The following ABTB1 variants were observed in gnomAD, a reference collection of about 807,000 sequenced individuals.
The protein encoded by ABTB1 is ankyrin repeat and BTB domain containing 1.
In ABTB1, 45 loss-of-function variants were observed where a neutral mutation model predicts 57.1. The observed-to-expected ratio is 0.79, with a 90% CI of 0.62 to 1.01. The LOEUF (loss-of-function observed/expected upper bound fraction) is 1.01. Among genes scored for constraint, ABTB1 ranks in the 50% least tolerant of loss-of-function variants. The pLI, the probability that ABTB1 is intolerant of heterozygous loss-of-function variation, is 0.00. For synonymous variants in ABTB1, 302 were observed against 275.4 expected (o/e 1.10, Z -0.95); for missense variants, 630 against 666.3 (o/e 0.95, Z 0.60).
chr3:127,676,187 T>G lies in ABTB1; in HGVS notation c.320+73T>G. On this transcript the variant is annotated intron_variant, in intron 4 of 11. Transcript: ENST00000232744. The surrounding 1 kb of genome is among the most constrained non-coding windows in gnomAD (Gnocchi z 5.4). Reference sequence around the variant, plus strand: ...GTGGGTGTGGCGAGTCTGCTCTGACTGTGGCCTGCACTGGGTTCTGAGTGC... The same window carrying G: ...GTGGGTGTGGCGAGTCTGCTCTGACGGTGGCCTGCACTGGGTTCTGAGTGC... 1.2e-6 allele frequency: 2 copies of G among 1,606,440 alleles called. No individual in the cohort carries two copies. The highest frequency in any genetic ancestry group is 2.2e-5 in the East Asian group (1 of 44,668).
chr3:127,678,227 A>G (rs2107558849), intron 10 of ABTB1: 1 of 242,746 alleles, frequency 4.1e-6, no homozygotes, highest in East Asian at 9.7e-5. Context: ...AGCTGCCCCA[A>G]GGTGTCCGTA....
intron 3 of ABTB1, among the ~76,000 whole-genome samples, chr3:127,675,026 C>T (rs973200424): frequency 2.7e-5 from 3 of 110,302 alleles, no homozygotes; most frequent in Admixed American, 1.6e-4. Context: ...TCCCTGCTTG[C>T]TTGCTGCTTG....
In ABTB1 at chr3:127,676,093, A is replaced by G. The variant is rs1217663223; in HGVS notation, c.299A>G (p.Tyr100Cys). The G allele has an allele frequency of 1.9e-6, 3 of 1,613,248 alleles. No individual in the cohort carries two copies. The highest frequency in any genetic ancestry group is 3.3e-5 in the Admixed American group (2 of 60,022). Residue 100 changes from tyrosine to cysteine, a missense_variant, in exon 4 of 12, where the codon TAC becomes TGC. By Grantham distance (194) the Tyr-to-Cys change is radical (BLOSUM62 -2). This residue lies in a region of ABTB1 where 579 missense variants were observed against 585.9 expected (regional missense o/e 0.99). Coordinates refer to ENST00000232744, the MANE Select transcript of ABTB1 (RefSeq NM_172027.3). The surrounding 1 kb of genome is among the most constrained non-coding windows in gnomAD (Gnocchi z 5.4). ...ACGGCTTCCTGCAGGAGGCGGGATT[A>G]CTATGACGACTTCTTGCAGCGGTGA... Reference protein sequence around the residue: ...QVTASCRRRDYYDDFLQRLLE... With the variant: ...QVTASCRRRDCYDDFLQRLLE...
At position 127,672,967 on chromosome 3, in the gene ABTB1, C is replaced by T; in HGVS notation, c.-59C>T. 6.6e-7 allele frequency: 1 copy of T among 1,509,106 alleles called. No individual in the cohort carries two copies. Among genetic ancestry groups the T allele is most frequent in the Non-Finnish European group, 8.9e-7 (1 of 1,124,024 alleles). The allele number at this position is 1,509,106 out of a possible 1,614,324, so 93.5% of individuals were successfully genotyped here. On this transcript the variant is annotated 5_prime_UTR_variant, in exon 1 of 12. Transcript: ENST00000232744. ...GGGCGGGGCTGAGCGTGTTTACATC[C>T]GCCGGGTGCGCGGCTTCGCCGCCCG... is the stretch of plus-strand genomic sequence containing the variant.
At chr3:127,673,230 C>G (rs2074890266) in intron 1 of ABTB1, 149 bp downstream of exon 1, 4 of 759,896 alleles carry the variant, frequency 5.3e-6, no homozygotes, top group Non-Finnish European at 7.2e-6. Flanking sequence ...GCAGACCACC[C>G]GGACCCCCGC....
At chr3:127,674,622 C>A in intron 3 of ABTB1, 22 bp downstream of exon 3, 5 of 1,614,076 alleles carry the variant, frequency 3.1e-6, no homozygotes, top group Non-Finnish European at 4.2e-6. Flanking sequence ...GAGCCCGGCT[C>A]ACGGGTGTGC....
In ABTB1 at chr3:127,680,625, A is replaced by G; in HGVS notation, c.*150A>G. On this transcript the variant is annotated 3_prime_UTR_variant, in exon 12 of 12. Transcript: ENST00000232744. ...CAGTGGGGCTTCTCTTCCCTCCATG[A>G]GCCTGGAGACCCCAGGGGAGGATCC... 1.0e-6 allele frequency: 1 copy of G among 995,158 alleles called. No individual in the cohort carries two copies. Among genetic ancestry groups the G allele is most frequent in the Non-Finnish European group, 1.6e-6 (1 of 638,338 alleles). 61.6% of individuals were successfully genotyped at this position (995,158 alleles called of 1,614,324 possible).
In ABTB1 at chr3:127,672,987, C is replaced by T. The variant is rs987733941; in HGVS notation, c.-39C>T. The T allele has an allele frequency of 1.3e-6, 2 of 1,528,436 alleles. No individual in the cohort carries two copies. Among genetic ancestry groups the T allele is most frequent in the African/African-American group, 1.4e-5 (1 of 70,240 alleles). 94.7% of individuals were successfully genotyped at this position (1,528,436 alleles called of 1,614,324 possible). ...ACATCCGCCGGGTGCGCGGCTTCGC[C>T]GCCCGAGGTCGTTCGGCTCGGGTAC... is the stretch of plus-strand genomic sequence containing the variant. On this transcript the variant is annotated 5_prime_UTR_variant, in exon 1 of 12. Transcript: ENST00000232744.
At position 127,680,174 on chromosome 3, in the gene ABTB1, G is replaced by T. The variant is rs1370479283; in HGVS notation, c.1219G>T (p.Val407Phe). 1.9e-6 allele frequency: 3 copies of T among 1,613,776 alleles called. No homozygotes were observed. Among genetic ancestry groups the T allele is most frequent in the Non-Finnish European group, 2.5e-6 (3 of 1,179,994 alleles). Residue 407 changes from valine (V) to phenylalanine (F), a missense_variant, in exon 11 of 12, where the codon GTC (valine) becomes TTC (phenylalanine). Val to Phe is a conservative substitution (Grantham distance 50). Transcript: ENST00000232744. ...CCAGTGCACTGAGTACATGGCCAAG[G>T]TCATTGAGAAGGTGGGCCAGTGGTC... ...EDQCTEYMAK[V>F]IEKLVEREDF...
Position 127,675,665 on chromosome 3 carries a change from C to G in ABTB1, c.176-305C>G, listed in dbSNP as rs79468886. 1,020 of 442,932 alleles carry G rather than the reference C, an allele frequency of 2.3e-3. 23 individuals are homozygous for G. In the East Asian group the frequency reaches 0.035, roughly 15 times the overall value. The allele number at this position is 442,932 out of a possible 1,614,324, so 27.4% of individuals were successfully genotyped here. On this transcript the variant is annotated intron_variant, in intron 3 of 11. Transcript: ENST00000232744. ...AGTATAAGTTCAGCAGGACAGGGACCTGTGTCTCGTTCACTGCTGTGCTCC... is the reference window on the plus strand; with the variant it reads ...AGTATAAGTTCAGCAGGACAGGGACGTGTGTCTCGTTCACTGCTGTGCTCC...
rs774763515 is a variant in ABTB1 at position 127,676,916 on chromosome 3, C to T, written c.527-51C>T. Reference sequence around the variant, plus strand: ...GAGGGGATCACCCTTTTTCTGTGGGCCTGATGACAGCTGAGGTCCCGCAGG... The same window carrying T: ...GAGGGGATCACCCTTTTTCTGTGGGTCTGATGACAGCTGAGGTCCCGCAGG... On this transcript the variant is annotated intron_variant, in intron 6 of 11. Transcript: ENST00000232744. The surrounding 1 kb of genome is among the most constrained non-coding windows in gnomAD (Gnocchi z 5.4). 1.9e-6 allele frequency: 3 copies of T among 1,568,066 alleles called. No homozygotes were observed. The highest frequency in any genetic ancestry group is 4.5e-5 in the East Asian group (2 of 44,432).
intron 10 of ABTB1, chr3:127,678,317 TGC>T: frequency 6.3e-6 from 1 of 158,114 alleles, no homozygotes; most frequent in Non-Finnish European, 1.4e-5. Flanking sequence ...AGTGTGTGTG[TGC>T]GTGCGCGTGC....
Position 127,677,466 on chromosome 3 carries a change from G to A in ABTB1, c.764G>A (p.Gly255Asp). ...GGGGTCACCTCTTCTGTACCCCAGG[G>A]TGATCTTTGGGAGCTGCCCTTCCCT... ...ADCALPPELR[G>D]DLWELPFPCP... Residue 255 changes from glycine to aspartate, a missense_variant and splice_region_variant, in exon 9 of 12, where the codon GGT becomes GAT. This residue lies in a region of ABTB1 where 579 missense variants were observed against 585.9 expected (regional missense o/e 0.99). Transcript: ENST00000232744. The A allele has an allele frequency of 6.2e-7, 1 of 1,614,124 alleles. No individual in the cohort carries two copies. Among genetic ancestry groups the A allele is most frequent in the African/African-American group, 1.3e-5 (1 of 75,056 alleles).
At position 127,677,500 on chromosome 3, in the gene ABTB1, C is replaced by T. The variant is rs148184843; in HGVS notation, c.798C>T (p.Asp266=). Reference sequence around the variant, plus strand: ...GGGAGCTGCCCTTCCCTTGTCCTGACGGCTTCAACAGCTGCCCTGACATCT... The same window carrying T: ...GGGAGCTGCCCTTCCCTTGTCCTGATGGCTTCAACAGCTGCCCTGACATCT... ...DLWELPFPCP[D]GFNSCPDICF... is the part of the protein sequence containing the mutation. The change falls in exon 9 of 12, where the codon GAC becomes GAT. Residue 266 remains aspartate, a synonymous_variant. Transcript: ENST00000232744. 4.8e-5 allele frequency: 77 copies of T among 1,614,134 alleles called. No individual in the cohort carries two copies. Among genetic ancestry groups the T allele is most frequent in the Non-Finnish European group, 5.7e-5 (67 of 1,180,030 alleles).
intron 9 of ABTB1, 35 bp from the exon 10 acceptor site, chr3:127,677,636 GACCCT>G: frequency 6.2e-7 from 1 of 1,612,756 alleles, no homozygotes; most frequent in Non-Finnish European, 8.5e-7. Context: ...TCAGGAGACA[GACCCT>G]GGCCCTCACA....
rs755421054 is a variant in ABTB1 at position 127,676,560 on chromosome 3, C to A, written c.505C>A (p.Leu169Met). ...PLINPVAFGALLQYLYTGRLD... is the reference protein window; with the variant it reads ...PLINPVAFGAMLQYLYTGRLD... ...GATCAACCCCGTGGCCTTTGGGGCC[C>A]TGCTGCAGTACCTGTACACAGGTGA... The change falls in exon 6 of 12, where the codon CTG becomes ATG. Residue 169 changes from leucine (L) to methionine (M), a missense_variant. Transcript: ENST00000232744. The surrounding 1 kb of genome is among the most constrained non-coding windows in gnomAD (Gnocchi z 5.4). The A allele has an allele frequency of 1.4e-5, 22 of 1,613,930 alleles. No homozygotes were observed. Among genetic ancestry groups the A allele is most frequent in the Non-Finnish European group, 1.8e-5 (21 of 1,180,004 alleles).
At chr3:127,674,738 G>A (rs2074938246) in intron 3 of ABTB1, 138 bp downstream of exon 3, 4 of 1,034,652 alleles carry the variant, frequency 3.9e-6, no homozygotes, top group Non-Finnish European at 4.4e-6. Context: ...CCACCCAGTC[G>A]AATCAGCAAG....
chr3:127,673,096 G>C lies in ABTB1; in HGVS notation c.56+15G>C, dbSNP rs774767550. Reference sequence around the variant, plus strand: ...GGCCGAGTGCGGTGAGGACCTCGCAGTCCCGGGGAGGGTGCGGGAGGTGGC... The same window carrying C: ...GGCCGAGTGCGGTGAGGACCTCGCACTCCCGGGGAGGGTGCGGGAGGTGGC... On this transcript the variant is annotated intron_variant, in intron 1 of 11. Transcript: ENST00000232744. 48 of 1,544,350 alleles carry C rather than the reference G, an allele frequency of 3.1e-5. No individual in the cohort carries two copies. Among genetic ancestry groups the C allele is most frequent in the Non-Finnish European group, 4.1e-5 (47 of 1,145,456 alleles).
Position 127,677,738 on chromosome 3 carries a change from C to G in ABTB1, c.924C>G (p.Ser308Arg), listed in dbSNP as rs146406722. ...RALLDDHFRE[S>R]EEPATSGGPP... ...TGCTGGATGACCACTTCCGAGAGAG[C>G]GAGGAGCCAGCGACCTCAGGGGGCC... The change falls in exon 10 of 12, where the codon AGC becomes AGG. Residue 308 changes from serine to arginine, a missense_variant. By Grantham distance (110) the Ser-to-Arg change is moderately radical. Coordinates refer to ENST00000232744, the MANE Select transcript of ABTB1 (RefSeq NM_172027.3). 6.2e-7 allele frequency: 1 copy of G among 1,610,212 alleles called. No homozygotes were observed. The highest frequency in any genetic ancestry group is 8.5e-7 in the Non-Finnish European group (1 of 1,178,388).
Sources: gnomAD v4.1 joint callset for allele counts (sites outside exome capture counted in the v4.1 genomes callset) on GRCh38, gnomAD v4.1.1 for gene constraint, gnomAD v4.1.1 regional missense constraint, Gnocchi (gnomAD v3.1) non-coding constraint, MANE v1.5 for transcripts, NCBI Gene and HGNC (gene_info 2026-07-23, HGNC 2026-07-21) for gene names.